The following TP63 variants were observed in gnomAD, a reference collection of about 807,000 sequenced individuals.
TP63 encodes the protein tumor protein 63.
A neutral mutation model predicts 82.8 loss-of-function variants in TP63; 17 were observed. The ratio of observed to expected loss-of-function variants is 0.21; its 90% CI spans 0.14 to 0.31. The LOEUF (loss-of-function observed/expected upper bound fraction) is 0.31, where lower values mean the gene tolerates loss of function less well. TP63 is among the 10% of genes least tolerant of loss of function. The pLI, the probability that TP63 is intolerant of heterozygous loss-of-function variation, is 1.00. For synonymous variants in TP63, 330 were observed against 321.7 expected (o/e 1.03, Z -0.28); for missense variants, 648 against 895.3 (o/e 0.72, Z 3.52).
At chr3:189,724,665 AAC>A (rs1719639932) in intron 1 of TP63, among the ~76,000 whole-genome samples, 1 of 152,216 alleles carries the variant, frequency 6.6e-6, no homozygotes, top group African/African-American at 2.4e-5. Context: ...GGCAATAACT[AAC>A]AGAGATGTTT....
At chr3:189,749,099 A>G (rs892470585) in intron 3 of TP63, among the ~76,000 whole-genome samples, 1 of 152,158 alleles carries the variant, frequency 6.6e-6, no homozygotes, top group Non-Finnish European at 1.5e-5. Context: ...AGAACACTTC[A>G]GAACATTGGT....
At chr3:189,859,545 A>G (rs530503865) in intron 4 of TP63, among the ~76,000 whole-genome samples, 2 of 152,328 alleles carry the variant, frequency 1.3e-5, no homozygotes, top group South Asian at 4.1e-4. Flanking sequence ...CAATTAAAAT[A>G]ACAGCTGACA....
chr3:189,773,351 T>G (rs143770232), intron 3 of TP63, among the ~76,000 whole-genome samples: 5 of 152,206 alleles, frequency 3.3e-5, no homozygotes, highest in Non-Finnish European at 7.3e-5. Flanking sequence ...CCTTAGACAG[T>G]AAATCTTTCA....
chr3:189,847,133 G>A (rs183182123), intron 4 of TP63, among the ~76,000 whole-genome samples: 348 of 151,720 alleles, frequency 2.3e-3, no homozygotes, highest in African/African-American at 4.5e-3. Flanking sequence ...TGAGGCGGGC[G>A]GATCACCTGA....
intron 1 of TP63, among the ~76,000 whole-genome samples, chr3:189,736,767 A>G (rs1296787683): frequency 6.9e-6 from 1 of 145,340 alleles, no homozygotes; most frequent in Admixed American, 7.1e-5. Context: ...CTAGACCAGA[A>G]CACATATTTG....
intron 4 of TP63, among the ~76,000 whole-genome samples, chr3:189,832,523 T>TA (rs1408520397): frequency 2.0e-5 from 3 of 152,200 alleles, no homozygotes. Flanking sequence ...GCTCTTGACT[T>TA]ATTCCTTCAT....
chr3:189,814,626 A>C (rs1352160733), intron 4 of TP63, among the ~76,000 whole-genome samples: 4 of 152,226 alleles, frequency 2.6e-5, no homozygotes, highest in Non-Finnish European at 5.9e-5. Context: ...GTATTGAGGA[A>C]GAATGTACTA....
Position 189,872,840 on chromosome 3 carries a change from C to G in TP63, c.1213-19C>G, listed in dbSNP as rs1553858906. ...ACAGCTTTTCATGTTTCCTTCTTTC[C>G]TTCTGCTCACTTCCATAGGTGAGGG... On this transcript the variant is annotated intron_variant, in intron 9 of 13. Transcript: ENST00000264731. 6.2e-7 allele frequency: 1 copy of G among 1,614,058 alleles called. No homozygotes were observed. Among genetic ancestry groups the G allele is most frequent in the South Asian group, 1.1e-5 (1 of 91,064 alleles).
intron 4 of TP63, among the ~76,000 whole-genome samples, chr3:189,827,501 G>A (rs1218021648): frequency 1.3e-5 from 2 of 152,206 alleles, no homozygotes; most frequent in African/African-American, 4.8e-5. Context: ...AAAGTGGAAT[G>A]TAGTACAGAA....
chr3:189,757,121 T>C (rs1722243575), intron 3 of TP63, among the ~76,000 whole-genome samples: 1 of 152,232 alleles, frequency 6.6e-6, no homozygotes, highest in African/African-American at 2.4e-5. Flanking sequence ...TTAGGAACTT[T>C]AGACCTGCTA....
At chr3:189,650,777 G>C (rs1712820832) in intron 1 of TP63, among the ~76,000 whole-genome samples, 1 of 147,526 alleles carries the variant, frequency 6.8e-6, no homozygotes, top group South Asian at 2.2e-4. Flanking sequence ...GTGGGGTGCT[G>C]CTATTAGGAT....
At chr3:189,803,085 G>T (rs919927490) in intron 3 of TP63, among the ~76,000 whole-genome samples, 1 of 152,148 alleles carries the variant, frequency 6.6e-6, no homozygotes, top group African/African-American at 2.4e-5. Flanking sequence ...GATCACCTGA[G>T]GTCGGGAGTT....
At chr3:189,862,004 T>A (rs1717103609) in intron 4 of TP63, among the ~76,000 whole-genome samples, 1 of 152,226 alleles carries the variant, frequency 6.6e-6, no homozygotes, top group South Asian at 2.1e-4. Context: ...TTATTTTGAT[T>A]TCTTAAGTTT....
chr3:189,858,403 CAAAA>C (rs1160961471), intron 4 of TP63, among the ~76,000 whole-genome samples: 1 of 2,880 alleles, frequency 3.5e-4, no homozygotes, highest in African/African-American at 2.4e-3. Context: ...GACTCCGTCT[CAAAA>C]AAAAAAAAAA....
intron 4 of TP63, among the ~76,000 whole-genome samples, chr3:189,814,929 A>T (rs550881252): frequency 2.6e-5 from 4 of 152,220 alleles, no homozygotes; most frequent in African/African-American, 9.7e-5. Flanking sequence ...GATTTATTGC[A>T]TGTGAACATT....
At chr3:189,857,370 A>G (rs1392732461) in intron 4 of TP63, among the ~76,000 whole-genome samples, 1 of 152,202 alleles carries the variant, frequency 6.6e-6, no homozygotes, top group East Asian at 1.9e-4. Context: ...ACCATATACA[A>G]CAATTGACTG....
chr3:189,870,875 A>C (rs1388278311), intron 9 of TP63, among the ~76,000 whole-genome samples: 1 of 152,170 alleles, frequency 6.6e-6, no homozygotes, highest in African/African-American at 2.4e-5. Flanking sequence ...TGAACTAACG[A>C]AAGTCAACGG....
chr3:189,615,802 A>C, the TP63 span, among the ~76,000 whole-genome samples: 2 of 152,214 alleles, frequency 1.3e-5, no homozygotes, highest in Non-Finnish European at 2.9e-5. Context: ...TCCACACTTT[A>C]GGAAGATTTC....
chr3:189,608,133 A>G, the TP63 span, among the ~76,000 whole-genome samples: 2 of 152,168 alleles, frequency 1.3e-5, no homozygotes, highest in Non-Finnish European at 2.9e-5. Flanking sequence ...TTCAGTTCCT[A>G]ATTAAAACAG....
Sources: gnomAD v4.1 joint callset for allele counts (sites outside exome capture counted in the v4.1 genomes callset) on GRCh38, gnomAD v4.1.1 for gene constraint, MANE v1.5 for transcripts, NCBI Gene and HGNC (gene_info 2026-07-23, HGNC 2026-07-21) for gene names.